The following FOXP2 variants were observed in gnomAD, a reference collection of about 807,000 sequenced individuals.
FOXP2 encodes forkhead box P2.
FOXP2 carries 12 observed loss-of-function variants against 115.8 expected under a neutral mutation model. The observed-to-expected ratio is 0.10, with a 90% CI of 0.07 to 0.17. The LOEUF is 0.17. FOXP2 is among the 10% of genes least tolerant of loss of function. The probability of loss-of-function intolerance (pLI) is 1.00; values close to 1 mark genes in which losing one functional copy is unlikely to be tolerated. For synonymous variants in FOXP2, 328 were observed against 297.7 expected, an observed-to-expected ratio of 1.10 and a Z score of -1.05; for missense variants, 629 against 843.5, an observed-to-expected ratio of 0.75 and a Z score of 3.15.
chr7:114,352,773 G>A (rs12672361), intron 2 of FOXP2, among the ~76,000 whole-genome samples: 1 of 152,076 alleles, frequency 6.6e-6, no homozygotes, highest in African/African-American at 2.4e-5. Flanking sequence ...GAGGTACTGA[G>A]GGTTAGGACT....
chr7:114,099,145 C>A (rs1207365287), intron 1 of FOXP2, among the ~76,000 whole-genome samples: 2 of 151,904 alleles, frequency 1.3e-5, no homozygotes, highest in Non-Finnish European at 2.9e-5. Flanking sequence ...AACAAACAAA[C>A]AAACAAACAG....
chr7:114,580,621 GAAAA>G (rs1330595601), intron 3 of FOXP2, among the ~76,000 whole-genome samples: 1 of 151,594 alleles, frequency 6.6e-6, no homozygotes, highest in African/African-American at 2.4e-5. Context: ...AAACAAGAAA[GAAAA>G]GAAAGAATAC....
intron 1 of FOXP2, among the ~76,000 whole-genome samples, chr7:114,218,186 C>T (rs921003545): frequency 3.3e-5 from 5 of 152,018 alleles, no homozygotes; most frequent in Non-Finnish European, 5.9e-5. Flanking sequence ...ATTAACTTGC[C>T]GATGTACTAT....
chr7:114,165,287 A>C (rs1792949492), intron 1 of FOXP2, among the ~76,000 whole-genome samples: 1 of 152,214 alleles, frequency 6.6e-6, no homozygotes, highest in African/African-American at 2.4e-5. Context: ...CTAAGGCAAG[A>C]AAACAAAAAA....
chr7:114,543,715 A>G (rs1799792443), intron 3 of FOXP2, among the ~76,000 whole-genome samples: 1 of 152,228 alleles, frequency 6.6e-6, no homozygotes, highest in Admixed American at 6.5e-5. Flanking sequence ...CATGGCTTGA[A>G]GAACTGCACA....
intron 8 of FOXP2, among the ~76,000 whole-genome samples, chr7:114,651,425 A>T (rs1363585743): frequency 6.6e-6 from 1 of 152,082 alleles, no homozygotes; most frequent in South Asian, 2.1e-4. Flanking sequence ...TTTCATGTTC[A>T]TTGGAGATGC....
intron 1 of FOXP2, among the ~76,000 whole-genome samples, chr7:114,268,670 T>A (rs546553155): frequency 2.0e-5 from 3 of 151,718 alleles, no homozygotes; most frequent in Admixed American, 2.0e-4. Flanking sequence ...TACTACTCAC[T>A]CTGACGATTG....
intron 1 of FOXP2, among the ~76,000 whole-genome samples, chr7:114,194,004 T>C (rs1793831754): frequency 7.0e-6 from 1 of 142,804 alleles, no homozygotes; most frequent in South Asian, 2.3e-4. Flanking sequence ...GCAGTGCACT[T>C]TTTACTAAGC....
At chr7:114,438,969 G>C (rs534879679) in intron 2 of FOXP2, among the ~76,000 whole-genome samples, 2 of 152,234 alleles carry the variant, frequency 1.3e-5, no homozygotes, top group African/African-American at 4.8e-5. Context: ...TTAGATTTTT[G>C]TTTTTAAAGT....
chr7:114,396,660 G>C (rs933925911), intron 2 of FOXP2, among the ~76,000 whole-genome samples: 6 of 151,742 alleles, frequency 4.0e-5, no homozygotes, highest in Non-Finnish European at 8.8e-5. Flanking sequence ...GGTTACTAGG[G>C]GGTTGAGAGG....
At chr7:114,185,040 C>G (rs1793555782) in intron 1 of FOXP2, among the ~76,000 whole-genome samples, 1 of 152,132 alleles carries the variant, frequency 6.6e-6, no homozygotes, top group Non-Finnish European at 1.5e-5. Context: ...TTAAGCCTAT[C>G]TTAAACTTAC....
intron 3 of FOXP2, among the ~76,000 whole-genome samples, chr7:114,585,256 G>A (rs551793059): frequency 4.6e-5 from 7 of 152,116 alleles, no homozygotes; most frequent in Non-Finnish European, 8.8e-5. Context: ...AGCCATCAGG[G>A]TGACATTTTT....
At chr7:114,551,067 A>T (rs1423958111) in intron 3 of FOXP2, among the ~76,000 whole-genome samples, 2 of 152,218 alleles carry the variant, frequency 1.3e-5, no homozygotes, top group Admixed American at 6.5e-5. Context: ...GTAGAAATAA[A>T]TTGAAAAGCT....
rs372951182 is a variant in FOXP2, at chr7:114,624,842, A to G, written c.259-3698A>G. On this transcript the variant is annotated intron_variant, in intron 3 of 16. Coordinates refer to ENST00000350908, the MANE Select transcript of FOXP2 (RefSeq NM_014491.4). ...GGTTATATTTATGTCATAACTAAAT[A>G]TAATTATATTTAATATCACTTATTA... 1.7e-4 allele frequency among the ~76,000 whole-genome samples: 26 copies of G among 151,720 alleles called. No homozygotes were observed. The East Asian group carries it at 1.9e-3, about 11-fold the overall frequency.
chr7:114,225,653 G>A (rs908670738), intron 1 of FOXP2, among the ~76,000 whole-genome samples: 2 of 151,440 alleles, frequency 1.3e-5, no homozygotes, highest in Non-Finnish European at 2.9e-5. Flanking sequence ...GGATTTTGCT[G>A]TATTGCTCAG....
At chr7:114,654,846 C>T (rs1036307245) in intron 10 of FOXP2, among the ~76,000 whole-genome samples, 14 of 151,972 alleles carry the variant, frequency 9.2e-5, no homozygotes, top group Non-Finnish European at 1.8e-4. Flanking sequence ...AGGTAAAAAA[C>T]GAACATTTGG....
At chr7:114,332,603 A>G (rs1797739747) in intron 2 of FOXP2, among the ~76,000 whole-genome samples, 1 of 152,050 alleles carries the variant, frequency 6.6e-6, no homozygotes, top group Admixed American at 6.6e-5. Context: ...TCTTTTTCTG[A>G]GCATCTCTTT....
intron 2 of FOXP2, among the ~76,000 whole-genome samples, chr7:114,524,126 G>A (rs1039787674): frequency 2.6e-5 from 4 of 152,012 alleles, no homozygotes; most frequent in East Asian, 1.9e-4. Flanking sequence ...AGATGATAAC[G>A]TTTTGTATTT....
chr7:114,378,079 T>G (rs1282282780), intron 2 of FOXP2, among the ~76,000 whole-genome samples: 1 of 152,162 alleles, frequency 6.6e-6, no homozygotes, highest in Admixed American at 6.5e-5. Context: ...CTATGGAATC[T>G]TTGTAGCATT....
Sources: allele counts gnomAD v4.1 joint callset (sites outside exome capture counted in the v4.1 genomes callset), GRCh38; gene constraint gnomAD v4.1.1; transcripts MANE v1.5; gene names NCBI Gene and HGNC (gene_info 2026-07-23, HGNC 2026-07-21).